The following GLIS1 variants were observed in gnomAD, a reference collection of about 807,000 sequenced individuals.
The protein encoded by GLIS1 is GLIS family zinc finger 1.
A neutral mutation model predicts 63.8 loss-of-function variants in GLIS1; 24 were observed. That is an observed-to-expected ratio of 0.38 (90% CI 0.27 to 0.53). The LOEUF (loss-of-function observed/expected upper bound fraction) is 0.53, where lower values mean the gene tolerates loss of function less well. GLIS1 is among the 20% of genes least tolerant of loss of function. The pLI, the probability that GLIS1 is intolerant of heterozygous loss-of-function variation, is 0.85. For missense variants in GLIS1, 1,036 were observed against 1,074.1 expected (o/e 0.96, Z 0.50); for synonymous variants, 450 against 482.5 (o/e 0.93, Z 0.88).
At chr1:53,713,678 C>T (rs1646669235) in intron 2 of GLIS1, among the ~76,000 whole-genome samples, 4 of 152,230 alleles carry the variant, frequency 2.6e-5, no homozygotes. Flanking sequence ...GGAAGGATCG[C>T]TTGAGCCCAG....
chr1:53,684,361 G>A (rs1032356415), intron 2 of GLIS1, among the ~76,000 whole-genome samples: 11 of 152,254 alleles, frequency 7.2e-5, no homozygotes, highest in Middle Eastern at 6.8e-3. Flanking sequence ...CTGGGAAAGC[G>A]TGGGAAAGCC....
intron 2 of GLIS1, among the ~76,000 whole-genome samples, chr1:53,711,762 A>C (rs1646649561): frequency 6.6e-6 from 1 of 152,232 alleles, no homozygotes. Flanking sequence ...GTTATCAGTT[A>C]ACACTTTCCC....
At chr1:53,515,464 C>A (rs915172797) in intron 7 of GLIS1, among the ~76,000 whole-genome samples, 15 of 152,042 alleles carry the variant, frequency 9.9e-5, no homozygotes, top group Admixed American at 2.0e-4. Context: ...GTTGCATGGG[C>A]GGTACACTGA....
chr1:53,715,450 T>C (rs1158645825), intron 2 of GLIS1, among the ~76,000 whole-genome samples: 1 of 152,158 alleles, frequency 6.6e-6, no homozygotes, highest in Non-Finnish European at 1.5e-5. Context: ...TGCATCTGCC[T>C]TGGAGGCCAG....
intron 2 of GLIS1, among the ~76,000 whole-genome samples, chr1:53,628,648 G>GC (rs1445814888): frequency 6.6e-6 from 1 of 152,100 alleles, no homozygotes; most frequent in Admixed American, 6.6e-5. Flanking sequence ...AGCGGGATGT[G>GC]CACCCACCCA....
At chr1:53,593,030 C>T (rs182977427) in intron 4 of GLIS1, among the ~76,000 whole-genome samples, 83 of 152,384 alleles carry the variant, frequency 5.4e-4, no homozygotes, top group Admixed American at 1.5e-3. Context: ...GGACACTATG[C>T]CCCTTCCCAG....
At chr1:53,723,983 C>T (rs1646781769) in intron 2 of GLIS1, among the ~76,000 whole-genome samples, 1 of 152,204 alleles carries the variant, frequency 6.6e-6, no homozygotes, top group South Asian at 2.1e-4. Context: ...GCAGAAGCCA[C>T]CCACCAGGTC....
intron 2 of GLIS1, among the ~76,000 whole-genome samples, chr1:53,661,090 C>A (rs937851117): frequency 3.3e-5 from 5 of 152,220 alleles, no homozygotes; most frequent in Non-Finnish European, 5.9e-5. Context: ...ATGTATGTCT[C>A]AGCACTGCCT....
intron 2 of GLIS1, among the ~76,000 whole-genome samples, chr1:53,685,067 C>A (rs961602681): frequency 6.6e-6 from 1 of 152,068 alleles, no homozygotes; most frequent in African/African-American, 2.4e-5. Context: ...TGGCAGAGTT[C>A]TGGGAGGGAC....
At chr1:53,716,777 T>G (rs1646702352) in intron 2 of GLIS1, among the ~76,000 whole-genome samples, 1 of 151,860 alleles carries the variant, frequency 6.6e-6, no homozygotes, top group Non-Finnish European at 1.5e-5. Context: ...AACAGGCAAC[T>G]AGGGGGATTT....
chr1:53,593,048 G>A (rs1478327486), intron 4 of GLIS1, among the ~76,000 whole-genome samples: 5 of 152,256 alleles, frequency 3.3e-5, no homozygotes, highest in Admixed American at 2.0e-4. Context: ...CAGACCAAGT[G>A]CTCCATGAGT....
chr1:53,700,500 CGTGT>C (rs1557529449), intron 2 of GLIS1, among the ~76,000 whole-genome samples: 10 of 151,546 alleles, frequency 6.6e-5, no homozygotes, highest in Non-Finnish European at 1.5e-5. Context: ...GGCCTCTGCT[CGTGT>C]AAATGCATGG....
intron 2 of GLIS1, among the ~76,000 whole-genome samples, chr1:53,703,516 A>G (rs1287015876): frequency 2.0e-5 from 3 of 152,034 alleles, no homozygotes; most frequent in Non-Finnish European, 4.4e-5. Context: ...ATGTACAACT[A>G]TAGTCCTAAC....
intron 2 of GLIS1, among the ~76,000 whole-genome samples, chr1:53,621,904 G>C (rs1325758949): frequency 6.6e-6 from 1 of 151,940 alleles, no homozygotes; most frequent in East Asian, 2.0e-4. Context: ...TCTGCCTCCT[G>C]GGTTCAGGTG....
intron 4 of GLIS1, among the ~76,000 whole-genome samples, chr1:53,584,405 G>A (rs1184244779): frequency 6.6e-6 from 1 of 152,178 alleles, no homozygotes; most frequent in African/African-American, 2.4e-5. Context: ...TCCCTGCAAT[G>A]GGTCTTCTCA....
intron 2 of GLIS1, among the ~76,000 whole-genome samples, chr1:53,705,452 T>A (rs1359738387): frequency 6.6e-6 from 1 of 152,212 alleles, no homozygotes; most frequent in Admixed American, 6.5e-5. Context: ...AAACTTTTCC[T>A]CTTGGGGAGT....
intron 2 of GLIS1, among the ~76,000 whole-genome samples, chr1:53,654,001 C>A (rs1302794547): frequency 6.6e-6 from 1 of 152,010 alleles, no homozygotes; most frequent in Non-Finnish European, 1.5e-5. Flanking sequence ...GCACTGCCAT[C>A]CCCCACCATG....
At chr1:53,541,828 C>G (rs1644646370) in intron 4 of GLIS1, among the ~76,000 whole-genome samples, 1 of 152,226 alleles carries the variant, frequency 6.6e-6, no homozygotes, top group Non-Finnish European at 1.5e-5. Context: ...ACTGAGGCAC[C>G]AGGTGGTGAA....
intron 8 of GLIS1, among the ~76,000 whole-genome samples, chr1:53,514,092 G>A (rs1175953031): frequency 6.6e-6 from 1 of 152,248 alleles, no homozygotes; most frequent in Non-Finnish European, 1.5e-5. Flanking sequence ...CACACTGGGT[G>A]CAGGAAGAGG....
Sources: allele counts gnomAD v4.1 joint callset (sites outside exome capture counted in the v4.1 genomes callset), GRCh38; gene constraint gnomAD v4.1.1; transcripts MANE v1.5; gene names NCBI Gene and HGNC (gene_info 2026-07-23, HGNC 2026-07-21).